NCAM2: variants seen among roughly 807,000 people sequenced by gnomAD.
The protein encoded by NCAM2 is N-CAM-2.
In NCAM2, 30 loss-of-function variants were observed where a neutral mutation model predicts 98.1. That is an observed-to-expected ratio of 0.31 (90% CI 0.23 to 0.41). The LOEUF is 0.41. Ranked by LOEUF, NCAM2 falls within the 10% of genes least tolerant of loss-of-function variation. NCAM2 has a pLI of 1.00. For synonymous variants in NCAM2, 368 were observed against 342.4 expected, an observed-to-expected ratio of 1.07 and a Z score of -0.83; for missense variants, 867 against 1,005.8, an observed-to-expected ratio of 0.86 and a Z score of 1.87.
intron 1 of NCAM2, among the ~76,000 whole-genome samples, chr21:21,236,756 A>ATGTGTGTGTGTG (rs35816689): frequency 2.7e-4 from 40 of 150,112 alleles, no homozygotes; most frequent in African/African-American, 8.8e-4. Context: ...ATCAGTACAT[A>ATGTGTGTGTGTG]TGTGTGTGTG....
At chr21:21,234,921 G>T (rs985655783) in intron 1 of NCAM2, among the ~76,000 whole-genome samples, 2 of 152,018 alleles carry the variant, frequency 1.3e-5, no homozygotes, top group South Asian at 4.2e-4. Context: ...TGCAGCTAAG[G>T]GTATTTTAAT....
At chr21:21,319,346 A>G (rs1024525367) in intron 5 of NCAM2, among the ~76,000 whole-genome samples, 1 of 152,216 alleles carries the variant, frequency 6.6e-6, no homozygotes, top group Admixed American at 6.5e-5. Flanking sequence ...TGTAATTAAT[A>G]AAAATAACTA....
intron 1 of NCAM2, among the ~76,000 whole-genome samples, chr21:21,067,621 A>G (rs1353673533): frequency 6.6e-6 from 1 of 152,162 alleles, no homozygotes; most frequent in Non-Finnish European, 1.5e-5. Flanking sequence ...CCCTCTTTAA[A>G]CACTGGTAAG....
intron 1 of NCAM2, among the ~76,000 whole-genome samples, chr21:21,040,737 TTAGAAG>T (rs2064887689): frequency 1.3e-5 from 2 of 152,114 alleles, no homozygotes; most frequent in Non-Finnish European, 2.9e-5. Flanking sequence ...AAAGTTTATC[TTAGAAG>T]TAGAGAGTAG....
intron 1 of NCAM2, among the ~76,000 whole-genome samples, chr21:21,165,660 T>C (rs554124293): frequency 6.6e-6 from 1 of 152,342 alleles, no homozygotes; most frequent in South Asian, 2.1e-4. Context: ...GCCCTTGGCA[T>C]ACACTCTCTT....
At chr21:21,479,293 G>A (rs1436446483) in intron 15 of NCAM2, among the ~76,000 whole-genome samples, 1 of 151,962 alleles carries the variant, frequency 6.6e-6, no homozygotes, top group Non-Finnish European at 1.5e-5. Flanking sequence ...ATCTTTGTAA[G>A]AAATTGTTGG....
chr21:21,149,931 C>T (rs2067398755), intron 1 of NCAM2, among the ~76,000 whole-genome samples: 3 of 151,906 alleles, frequency 2.0e-5, no homozygotes, highest in Admixed American at 2.0e-4. Context: ...GTATATAGCC[C>T]GTAATGGGAT....
intron 5 of NCAM2, among the ~76,000 whole-genome samples, chr21:21,301,748 G>T (rs1039679299): frequency 6.6e-6 from 1 of 151,548 alleles, no homozygotes; most frequent in Non-Finnish European, 1.5e-5. Flanking sequence ...GTATTCCATG[G>T]TGTAACAAAT....
At chr21:21,395,246 A>C (rs1006826919) in intron 9 of NCAM2, among the ~76,000 whole-genome samples, 3 of 152,222 alleles carry the variant, frequency 2.0e-5, no homozygotes, top group Non-Finnish European at 2.9e-5. Context: ...AGGTAGGAGA[A>C]TCACTTGAAC....
At chr21:21,172,112 T>C (rs1601560829) in intron 1 of NCAM2, among the ~76,000 whole-genome samples, 2 of 152,216 alleles carry the variant, frequency 1.3e-5, no homozygotes, top group South Asian at 4.1e-4. Context: ...TTTTTTCCTT[T>C]TTTTTCTGTG....
chr21:21,182,327 C>A (rs2068504767), intron 1 of NCAM2, among the ~76,000 whole-genome samples: 1 of 152,146 alleles, frequency 6.6e-6, no homozygotes, highest in African/African-American at 2.4e-5. Flanking sequence ...TGGCACATCT[C>A]ACACAGTGTA....
chr21:21,505,522 T>C (rs1470686439), intron 15 of NCAM2, among the ~76,000 whole-genome samples: 1 of 152,060 alleles, frequency 6.6e-6, no homozygotes, highest in Non-Finnish European at 1.5e-5. Flanking sequence ...CATATAATTA[T>C]ACTAGTTTAA....
chr21:21,163,499 T>G (rs2067855182), intron 1 of NCAM2, among the ~76,000 whole-genome samples: 1 of 152,180 alleles, frequency 6.6e-6, no homozygotes, highest in Non-Finnish European at 1.5e-5. Context: ...GAGGTTATTA[T>G]TTATTGTTAG....
chr21:21,466,468 G>A (rs879675310), intron 12 of NCAM2, 138 bp from the exon 13 acceptor site: 2 of 581,408 alleles, frequency 3.4e-6, no homozygotes, highest in Admixed American at 4.2e-5. Flanking sequence ...TATTTTTTAG[G>A]TATTTCATGG....
In NCAM2 at chr21:21,233,931, A is replaced by T. The variant is rs948076136; in HGVS notation, c.56-46647A>T. ...AAATACCTAACTTTTGAAAGAAGTT[A>T]TAATTTTTATGTCATGTGTGATGGA... On this transcript the variant is annotated intron_variant, in intron 1 of 17. Coordinates refer to ENST00000400546, the MANE Select transcript of NCAM2 (RefSeq NM_004540.5). 2.6e-5 allele frequency among the ~76,000 whole-genome samples: 4 copies of T among 151,920 alleles called. No homozygotes were observed. The Middle Eastern group carries it at 0.01, about 388-fold the overall frequency.
At chr21:21,254,947 CTATG>C (rs1477203805) in intron 1 of NCAM2, among the ~76,000 whole-genome samples, 11 of 52,208 alleles carry the variant, frequency 2.1e-4, no homozygotes, top group Admixed American at 8.3e-4. Context: ...CATAGCATAT[CTATG>C]TGTGTGTGTG....
At chr21:21,507,522 G>A (rs62216097) in intron 15 of NCAM2, among the ~76,000 whole-genome samples, 4 of 152,006 alleles carry the variant, frequency 2.6e-5, no homozygotes, top group South Asian at 2.1e-4. Flanking sequence ...GGCTAGGCAC[G>A]GTGGCTCATG....
intron 12 of NCAM2, among the ~76,000 whole-genome samples, chr21:21,445,170 T>C (rs1376817883): frequency 6.6e-6 from 1 of 152,206 alleles, no homozygotes; most frequent in East Asian, 1.9e-4. Flanking sequence ...TCCTGAGTTC[T>C]AATTTGATTG....
intron 1 of NCAM2, among the ~76,000 whole-genome samples, chr21:21,220,542 T>C (rs183455394): frequency 5.3e-5 from 8 of 152,284 alleles, no homozygotes; most frequent in Admixed American, 4.6e-4. Flanking sequence ...AAGGACACAT[T>C]TTCCAGAAGG....
Sources: gnomAD v4.1 joint callset for allele counts (sites outside exome capture counted in the v4.1 genomes callset) on GRCh38, gnomAD v4.1.1 for gene constraint, MANE v1.5 for transcripts, NCBI Gene and HGNC (gene_info 2026-07-23, HGNC 2026-07-21) for gene names.